SRGAP2C: variants seen among roughly 807,000 people sequenced by gnomAD.
SRGAP2C encodes SLIT-ROBO Rho GTPase activating protein 2C.
A neutral mutation model predicts 25.1 loss-of-function variants in SRGAP2C; 15 were observed. The observed-to-expected ratio is 0.60, with a 90% CI of 0.40 to 0.92. The LOEUF (loss-of-function observed/expected upper bound fraction) is 0.92. Among genes scored for constraint, SRGAP2C ranks in the 40% least tolerant of loss-of-function variants. The pLI, the probability that SRGAP2C is intolerant of heterozygous loss-of-function variation, is 0.00. For missense variants in SRGAP2C, 144 were observed against 264.4 expected, an observed-to-expected ratio of 0.54 and a Z score of 3.16; for synonymous variants, 44 against 96.6, an observed-to-expected ratio of 0.46 and a Z score of 3.19.
rs1470245865 is a variant in SRGAP2C at position 121,308,085 on chromosome 1, C to T, written c.261-16393C>T. Among the ~76,000 whole-genome samples, 99 of 150,406 alleles carry T rather than the reference C, an allele frequency of 6.6e-4. No homozygotes were observed. In the East Asian group the frequency reaches 0.011, roughly 17 times the overall value. ...TATGTGTTGTCTTAGAATAGCTCTG[C>T]GCTCTGGGGCTCTGAGCATTGTCCA... On this transcript the variant is annotated intron_variant, in intron 3 of 9. Transcript: ENST00000367123.
At chr1:121,351,360 A>G (rs1658899350) in intron 4 of SRGAP2C, among the ~76,000 whole-genome samples, 1 of 152,126 alleles carries the variant, frequency 6.6e-6, no homozygotes, top group African/African-American at 2.4e-5. Flanking sequence ...CTGTAATCCT[A>G]GCACTTTGGG....
intron 2 of SRGAP2C, among the ~76,000 whole-genome samples, chr1:121,248,651 T>C (rs1435360638): frequency 6.8e-6 from 1 of 147,342 alleles, no homozygotes; most frequent in Non-Finnish European, 1.5e-5. Flanking sequence ...TTTCACCGTG[T>C]TAGCCAGGAT....
intron 2 of SRGAP2C, among the ~76,000 whole-genome samples, chr1:121,203,852 CTCAT>C (rs1553322128): frequency 9.2e-6 from 1 of 108,844 alleles, no homozygotes; most frequent in Non-Finnish European, 1.8e-5. Flanking sequence ...TCTCTGAAGA[CTCAT>C]TCAGGTTGTT....
In SRGAP2C at chr1:121,370,802, C is replaced by A. The variant is rs1421311085; in HGVS notation, c.487-3169C>A. ...TAGCTCTACCTTCATCCCACTGCTA[C>A]TTATTTCTCTTCGGGCTTCTGTGAT... is the stretch of plus-strand genomic sequence containing the variant. On this transcript the variant is annotated intron_variant, in intron 5 of 9. Coordinates refer to ENST00000367123, the MANE Select transcript of SRGAP2C (RefSeq NM_001329984.2). 2.7e-5 allele frequency among the ~76,000 whole-genome samples: 4 copies of A among 149,612 alleles called. No homozygotes were observed. The South Asian group carries it at 6.4e-4, about 24-fold the overall frequency.
At chr1:121,225,758 G>A (rs1655650915) in intron 2 of SRGAP2C, among the ~76,000 whole-genome samples, 1 of 148,140 alleles carries the variant, frequency 6.8e-6, no homozygotes, top group Admixed American at 6.7e-5. Context: ...CGTCACCCAG[G>A]CTGGAGTGTG....
At chr1:121,197,051 T>A (rs1250462079) in intron 2 of SRGAP2C, among the ~76,000 whole-genome samples, 1 of 144,148 alleles carries the variant, frequency 6.9e-6, no homozygotes, top group Non-Finnish European at 1.5e-5. Context: ...CTGCCTCTAG[T>A]TTCCTTTCTT....
intron 7 of SRGAP2C, among the ~76,000 whole-genome samples, chr1:121,375,913 C>A (rs1659633376): frequency 6.6e-6 from 1 of 151,506 alleles, no homozygotes; most frequent in Non-Finnish European, 1.5e-5. Flanking sequence ...CCCCTGACAT[C>A]TGGCCCATTT....
intron 4 of SRGAP2C, among the ~76,000 whole-genome samples, chr1:121,343,121 AT>A (rs1244696383): frequency 3.3e-5 from 5 of 152,026 alleles, no homozygotes; most frequent in Non-Finnish European, 5.9e-5. Context: ...ATTTAATTTA[AT>A]TTTATAGTCA....
At chr1:121,339,252 C>CTTT (rs1185472819) in intron 4 of SRGAP2C, among the ~76,000 whole-genome samples, 2 of 89,624 alleles carry the variant, frequency 2.2e-5, no homozygotes, top group African/African-American at 5.4e-5. Flanking sequence ...GCTATGTTGT[C>CTTT]TTTTTTTTTT....
chr1:121,328,274 G>T, intron 4 of SRGAP2C, among the ~76,000 whole-genome samples: 2 of 150,730 alleles, frequency 1.3e-5, no homozygotes, highest in South Asian at 4.2e-4. Flanking sequence ...CCATTTCTCT[G>T]GGGACATAGG....
chr1:121,348,547 T>C (rs1415192472), intron 4 of SRGAP2C, among the ~76,000 whole-genome samples: 7 of 151,880 alleles, frequency 4.6e-5, no homozygotes, highest in East Asian at 2.0e-4. Context: ...TTCTGCAGTA[T>C]ATATCTGATG....
intron 2 of SRGAP2C, among the ~76,000 whole-genome samples, chr1:121,283,806 C>T (rs1190212511): frequency 2.0e-5 from 3 of 151,854 alleles, no homozygotes; most frequent in Admixed American, 1.3e-4. Context: ...ATCAGTCTGG[C>T]TTTGGCATAC....
chr1:121,202,601 A>T (rs1553321862), intron 2 of SRGAP2C, among the ~76,000 whole-genome samples: 1 of 148,040 alleles, frequency 6.8e-6, no homozygotes, highest in Non-Finnish European at 1.5e-5. Flanking sequence ...GCTAATTTTT[A>T]AATTTTTAGT....
At chr1:121,314,397 T>C (rs2101599895) in intron 3 of SRGAP2C, among the ~76,000 whole-genome samples, 1 of 152,320 alleles carries the variant, frequency 6.6e-6, no homozygotes, top group African/African-American at 2.4e-5. Flanking sequence ...CAGAGTAATT[T>C]GATCGTCTGA....
intron 2 of SRGAP2C, among the ~76,000 whole-genome samples, chr1:121,204,795 G>T (rs1655077469): frequency 7.5e-6 from 1 of 132,964 alleles, no homozygotes; most frequent in Non-Finnish European, 1.6e-5. Context: ...CAGCACTTTG[G>T]GAGGCCATGG....
chr1:121,270,516 C>T lies in SRGAP2C; in HGVS notation c.68-14287C>T, dbSNP rs1488704797. ...TATTTTTTTCTGTTTTATTTATTGTCTTCCTCTGCATTTATTGTGAGTCTC... is the reference window on the plus strand; with the variant it reads ...TATTTTTTTCTGTTTTATTTATTGTTTTCCTCTGCATTTATTGTGAGTCTC... On this transcript the variant is annotated intron_variant, in intron 2 of 9. Coordinates refer to ENST00000367123, the MANE Select transcript of SRGAP2C (RefSeq NM_001329984.2). Among the ~76,000 whole-genome samples, 15 of 129,070 alleles carry T rather than the reference C, an allele frequency of 1.2e-4. No individual in the cohort carries two copies. The East Asian group carries it at 3.2e-3, about 27-fold the overall frequency. 84.7% of individuals were successfully genotyped at this position (129,070 alleles called of 152,430 possible). A position where few individuals can be genotyped will look rare whatever the true frequency, so the allele number is the denominator to read the frequency against.
intron 4 of SRGAP2C, among the ~76,000 whole-genome samples, chr1:121,350,403 G>A (rs1658871012): frequency 7.0e-6 from 1 of 142,422 alleles, no homozygotes; most frequent in African/African-American, 2.6e-5. Context: ...TCATTATTAT[G>A]TTTGGCACTC....
intron 2 of SRGAP2C, among the ~76,000 whole-genome samples, chr1:121,218,894 A>G (rs1376430518): frequency 1.8e-4 from 27 of 151,968 alleles, no homozygotes; most frequent in African/African-American, 1.9e-4. Context: ...TGTGATTTCC[A>G]GTTTAAGTGA....
chr1:121,249,580 ATTTTTTTT>A (rs1159053572), intron 2 of SRGAP2C, among the ~76,000 whole-genome samples: 2 of 22,368 alleles, frequency 8.9e-5, no homozygotes, highest in Admixed American at 7.1e-4. Context: ...ATATATATAT[ATTTTTTTT>A]TTTTTTTTTT....
Sources: allele counts gnomAD v4.1 joint callset (sites outside exome capture counted in the v4.1 genomes callset), GRCh38; gene constraint gnomAD v4.1.1; transcripts MANE v1.5; gene names NCBI Gene and HGNC (gene_info 2026-07-23, HGNC 2026-07-21).